The following CEP128 variants were observed in gnomAD, a reference collection of about 807,000 sequenced individuals.
CEP128 encodes the protein centrosomal protein 128.
In CEP128, 132 loss-of-function variants were observed where a neutral mutation model predicts 156.7. That is an observed-to-expected ratio of 0.84 (90% CI 0.73 to 0.97). CEP128 has a LOEUF of 0.97. Ranked by LOEUF, CEP128 falls within the 50% of genes least tolerant of loss-of-function variation. The probability of loss-of-function intolerance (pLI) is 0.00; values close to 1 mark genes in which losing one functional copy is unlikely to be tolerated. For missense variants in CEP128, 1,252 were observed against 1,281.9 expected (o/e 0.98, Z 0.36); for synonymous variants, 469 against 448.9 (o/e 1.04, Z -0.57).
chr14:80,903,667 A>T (rs1471809449), intron 6 of CEP128, among the ~76,000 whole-genome samples: 2 of 151,980 alleles, frequency 1.3e-5, no homozygotes, highest in Non-Finnish European at 2.9e-5. Flanking sequence ...AAAAAAAAAA[A>T]TTTAAAATGG....
chr14:80,758,884 G>C (rs1406709649), intron 17 of CEP128, among the ~76,000 whole-genome samples: 1 of 152,172 alleles, frequency 6.6e-6, no homozygotes, highest in Non-Finnish European at 1.5e-5. Context: ...AGAGAAGAAA[G>C]AGCTTACATA....
intron 8 of CEP128, among the ~76,000 whole-genome samples, chr14:80,884,607 A>T (rs1465468301): frequency 6.6e-6 from 1 of 152,112 alleles, no homozygotes; most frequent in Admixed American, 6.5e-5. Flanking sequence ...CTGTGCTGTG[A>T]GGGACTGTGC....
intron 9 of CEP128, among the ~76,000 whole-genome samples, chr14:80,858,292 G>A (rs1388379590): frequency 1.5e-3 from 200 of 137,766 alleles, no homozygotes; most frequent in East Asian, 7.0e-3. Context: ...ACAAGCAATG[G>A]GGAAAGGATT....
chr14:80,633,195 T>C (rs1894035979), intron 19 of CEP128, among the ~76,000 whole-genome samples: 1 of 151,806 alleles, frequency 6.6e-6, no homozygotes, highest in Non-Finnish European at 1.5e-5. Context: ...ACCACTACAC[T>C]CCAATCTGGG....
chr14:80,851,659 T>A (rs1222042408), intron 9 of CEP128, among the ~76,000 whole-genome samples: 2 of 151,270 alleles, frequency 1.3e-5, no homozygotes, highest in East Asian at 1.9e-4. Flanking sequence ...TAAAAAAAAA[T>A]AAATAAGATA....
In CEP128 at chr14:80,812,798, C is replaced by T. The variant is rs542871806; in HGVS notation, c.1209+18345G>A. Among the ~76,000 whole-genome samples, 131 of 152,086 alleles carry T rather than the reference C, an allele frequency of 8.6e-4. 2 individuals carry two copies. The highest frequency in any genetic ancestry group is 4.1e-4 in the South Asian group (2 of 4,824). On this transcript the variant is annotated intron_variant, in intron 13 of 24. Transcript: ENST00000555265. ...CAGGCTGGTCTGGAACTCCTGACCT[C>T]GTGATCCGCCAACCTCAGCCTCCCA...
chr14:80,849,534 A>G (rs189920152), intron 9 of CEP128, among the ~76,000 whole-genome samples: 16 of 152,344 alleles, frequency 1.1e-4, no homozygotes, highest in Admixed American at 7.8e-4. Context: ...AGTTCTAAAT[A>G]CTATCCTAAT....
At chr14:80,590,267 C>G (rs138198459) in intron 19 of CEP128, among the ~76,000 whole-genome samples, 1 of 151,778 alleles carries the variant, frequency 6.6e-6, no homozygotes, top group African/African-American at 2.4e-5. Flanking sequence ...TATGTGAACC[C>G]GAAAGAAGAT....
chr14:80,697,969 TTTTC>T (rs1467791730), intron 19 of CEP128, among the ~76,000 whole-genome samples: 1 of 151,854 alleles, frequency 6.6e-6, no homozygotes, highest in African/African-American at 2.4e-5. Flanking sequence ...TTTCAGAAAT[TTTTC>T]TTTGACTCTT....
At chr14:80,872,548 G>C (rs1487127625) in intron 8 of CEP128, among the ~76,000 whole-genome samples, 2 of 152,184 alleles carry the variant, frequency 1.3e-5, no homozygotes, top group African/African-American at 4.8e-5. Context: ...ACGTGATTAA[G>C]AGGGCTTACC....
Position 80,477,906 on chromosome 14 carries a change from T to C in CEP128, c.*812A>G, listed in dbSNP as rs376131648. 6.6e-5 allele frequency: 10 copies of C among 152,282 alleles called. 2 individuals are homozygous for C. Among genetic ancestry groups the C allele is most frequent in the Admixed American group, 5.2e-4 (8 of 15,298 alleles). The allele number at this position is 152,282 out of a possible 1,614,324, so 9.4% of individuals were successfully genotyped here. On this transcript the variant is annotated 3_prime_UTR_variant and NMD_transcript_variant, in exon 15 of 15. Transcript: ENST00000554502. ...TAACATCCCATGAGAATATTAGCTCTGGAGGAAAGAATTTGGTGGCAAAAT... is the reference window on the plus strand; with the variant it reads ...TAACATCCCATGAGAATATTAGCTCCGGAGGAAAGAATTTGGTGGCAAAAT...
chr14:80,891,345 T>TAC (rs2139373426), intron 8 of CEP128, among the ~76,000 whole-genome samples: 1 of 152,178 alleles, frequency 6.6e-6, no homozygotes, highest in East Asian at 1.9e-4. Flanking sequence ...AAATGTGGTG[T>TAC]TTATACACAA....
chr14:80,690,761 T>A (rs1267360411), intron 19 of CEP128, among the ~76,000 whole-genome samples: 1 of 152,160 alleles, frequency 6.6e-6, no homozygotes, highest in Non-Finnish European at 1.5e-5. Context: ...CTGAATGACA[T>A]CTCTTCAGCA....
intron 13 of CEP128, among the ~76,000 whole-genome samples, chr14:80,820,095 A>G (rs1034955073): frequency 6.6e-6 from 1 of 152,206 alleles, no homozygotes; most frequent in Non-Finnish European, 1.5e-5. Flanking sequence ...TTTTGGATGT[A>G]GGATTTGTAG....
In CEP128 at chr14:80,792,756, A is replaced by AT. The variant is rs1371372449; in HGVS notation, c.1560+3dup. ...ACCGTTCCTTAGGAATGTGGCTTTT[A>AT]TACCTGATTATTCTTGCCTGTCAGT... On this transcript the variant is annotated splice_donor_region_variant and intron_variant, in intron 14 of 24. Coordinates refer to ENST00000555265, the MANE Select transcript of CEP128 (RefSeq NM_152446.5). 6.2e-7 allele frequency: 1 copy of AT among 1,611,360 alleles called. No individual in the cohort carries two copies. The highest frequency in any genetic ancestry group is 2.2e-5 in the East Asian group (1 of 44,864).
intron 19 of CEP128, among the ~76,000 whole-genome samples, chr14:80,703,093 T>C (rs1372718482): frequency 6.6e-6 from 1 of 151,998 alleles, no homozygotes; most frequent in African/African-American, 2.4e-5. Flanking sequence ...GATTGGCAGA[T>C]GAGGTAGGAA....
intron 13 of CEP128, 147 bp from the exon 14 acceptor site, chr14:80,793,257 C>T: frequency 1.6e-6 from 1 of 612,260 alleles, no homozygotes; most frequent in Non-Finnish European, 2.8e-6. Flanking sequence ...AATCATGAGT[C>T]TTTTTCTTTG....
At chr14:80,696,423 C>G (rs1430949598) in intron 19 of CEP128, among the ~76,000 whole-genome samples, 2 of 152,010 alleles carry the variant, frequency 1.3e-5, no homozygotes, top group African/African-American at 4.8e-5. Flanking sequence ...GAGATTAAGT[C>G]TCCCAGGGAG....
At chr14:80,833,372 T>TTTTAC in intron 12 of CEP128, among the ~76,000 whole-genome samples, 1 of 151,830 alleles carries the variant, frequency 6.6e-6, no homozygotes, top group Admixed American at 6.6e-5. Context: ...TGTTTACATA[T>TTTTAC]ATATATACTA....
Sources: allele counts gnomAD v4.1 joint callset (sites outside exome capture counted in the v4.1 genomes callset), GRCh38; gene constraint gnomAD v4.1.1; transcripts MANE v1.5; gene names NCBI Gene and HGNC (gene_info 2026-07-23, HGNC 2026-07-21).